The following TSGA10 variants were observed in gnomAD, a reference collection of about 807,000 sequenced individuals.
TSGA10 encodes testis-specific gene 10 protein.
A neutral mutation model predicts 96.6 loss-of-function variants in TSGA10; 43 were observed. The observed-to-expected ratio is 0.44, with a 90% CI of 0.35 to 0.57. TSGA10 has a LOEUF of 0.57. TSGA10 is among the 20% of genes least tolerant of loss of function. The pLI, the probability that TSGA10 is intolerant of heterozygous loss-of-function variation, is 0.01. For synonymous variants in TSGA10, 229 were observed against 269.9 expected (o/e 0.85, Z 1.48); for missense variants, 703 against 834.4 (o/e 0.84, Z 1.94).
chr2:99,086,098 ATTC>A (rs1274008432), intron 10 of TSGA10, among the ~76,000 whole-genome samples: 2 of 152,228 alleles, frequency 1.3e-5, no homozygotes, highest in African/African-American at 2.4e-5. Context: ...GTGATGAAAT[ATTC>A]TGTACAACAA....
At chr2:99,102,612 A>G in intron 10 of TSGA10, 1 of 1,614,120 alleles carries the variant, frequency 6.2e-7, no homozygotes, top group Non-Finnish European at 8.5e-7. Flanking sequence ...TCAGTTTATT[A>G]CAACTACTTT....
rs180894576 is a variant in TSGA10, at chr2:99,118,608, A to T, written c.-413T>A. On this transcript the variant is annotated 5_prime_UTR_variant, in exon 3 of 21. Coordinates refer to ENST00000393483, the MANE Select transcript of TSGA10 (RefSeq NM_025244.4). ...TTTGCTGCCTAATGTGGAGGAACAC[A>T]GCTTTCCTTCCCAGCCCACTATCAA... is the stretch of plus-strand genomic sequence containing the variant. 1.0e-6 allele frequency: 1 copy of T among 984,386 alleles called. No homozygotes were observed. The highest frequency in any genetic ancestry group is 1.7e-5 in the African/African-American group (1 of 57,332). The allele number at this position is 984,386 out of a possible 1,614,324, so 61.0% of individuals were successfully genotyped here. A position where few individuals can be genotyped will look rare whatever the true frequency, so the allele number is the denominator to read the frequency against.
chr2:99,059,498 G>A (rs1001157810), intron 16 of TSGA10, among the ~76,000 whole-genome samples: 1 of 151,844 alleles, frequency 6.6e-6, no homozygotes, highest in African/African-American at 2.4e-5. Context: ...AATTAGCCAG[G>A]CATAGTGGCA....
intron 16 of TSGA10, among the ~76,000 whole-genome samples, chr2:99,063,062 A>C (rs1313769683): frequency 6.6e-6 from 1 of 152,220 alleles, no homozygotes; most frequent in Non-Finnish European, 1.5e-5. Flanking sequence ...CAAGGGGATA[A>C]ATTGACCAAT....
At chr2:99,142,505 T>A (rs888702387) in intron 1 of TSGA10, 1 of 152,200 alleles carries the variant, frequency 6.6e-6, no homozygotes, top group African/African-American at 2.4e-5. Context: ...AAATGCCATG[T>A]TTTTCCAATG....
At chr2:99,132,464 A>C (rs946294539) in intron 1 of TSGA10, among the ~76,000 whole-genome samples, 1 of 151,970 alleles carries the variant, frequency 6.6e-6, no homozygotes, top group South Asian at 2.1e-4. Context: ...CTGTGGGATC[A>C]GTGGTAATAT....
At chr2:99,111,027 T>C in intron 4 of TSGA10, 112 bp from the exon 5 acceptor site, 1 of 189,124 alleles carries the variant, frequency 5.3e-6, no homozygotes, top group Non-Finnish European at 9.8e-6. Flanking sequence ...ATGAAGGCAG[T>C]GAATATTTTA....
intron 1 of TSGA10, among the ~76,000 whole-genome samples, chr2:99,133,416 T>C (rs975483926): frequency 6.6e-6 from 1 of 152,202 alleles, no homozygotes; most frequent in African/African-American, 2.4e-5. Context: ...ACCCCTGCTT[T>C]TTTTTGCTTT....
intron 17 of TSGA10, 80 bp downstream of exon 17, chr2:99,035,149 TA>T: frequency 1.9e-6 from 2 of 1,029,356 alleles, no homozygotes; most frequent in Non-Finnish European, 2.8e-6. Flanking sequence ...TAATATTACA[TA>T]AAAAAGAACT....
At chr2:99,141,058 C>T in intron 1 of TSGA10, 3 of 1,272,574 alleles carry the variant, frequency 2.4e-6, no homozygotes, top group Non-Finnish European at 3.1e-6. Flanking sequence ...ACTCTCCCCA[C>T]CCCGCGCACC....
At chr2:99,017,955 C>A (rs1050668006) in intron 20 of TSGA10, among the ~76,000 whole-genome samples, 10 of 151,538 alleles carry the variant, frequency 6.6e-5, no homozygotes, top group Non-Finnish European at 2.9e-5. Flanking sequence ...TCCCCCAAAA[C>A]CATGGAAATA....
rs776470456 is a variant in TSGA10 at position 99,105,431 on chromosome 2, A to G, written c.387T>C (p.Ala129=). Residue 129 remains alanine (A), a synonymous_variant, in exon 9 of 21, where the codon GCT becomes GCC. Transcript: ENST00000393483. ...RDSLRERLKI[A]QETAFNEKAH... ...CCTTCTCATTAAATGCTGTCTCTTG[A>G]GCAATCTGATTAAAAAGCAAAAACA... 2 of 1,612,894 alleles carry G rather than the reference A, an allele frequency of 1.2e-6. No homozygotes were observed. Among genetic ancestry groups the G allele is most frequent in the Non-Finnish European group, 1.7e-6 (2 of 1,179,892 alleles).
At chr2:99,140,268 C>A (rs2093483408) in intron 1 of TSGA10, among the ~76,000 whole-genome samples, 1 of 152,112 alleles carries the variant, frequency 6.6e-6, no homozygotes, top group African/African-American at 2.4e-5. Flanking sequence ...GATTCGAATG[C>A]GACATCCTAC....
intron 20 of TSGA10, among the ~76,000 whole-genome samples, chr2:99,010,616 C>G (rs2078923178): frequency 6.6e-6 from 1 of 152,212 alleles, no homozygotes; most frequent in Admixed American, 6.5e-5. Context: ...CCAGGGAAGC[C>G]AGCAATGGCT....
chr2:99,145,875 C>T (rs780312376), intron 1 of TSGA10, among the ~76,000 whole-genome samples: 5 of 152,176 alleles, frequency 3.3e-5, no homozygotes, highest in East Asian at 1.9e-4. Flanking sequence ...TGGTGGCTTA[C>T]GCCAGTAATC....
At chr2:99,115,030 T>C (rs2092139191) in intron 4 of TSGA10, among the ~76,000 whole-genome samples, 1 of 152,204 alleles carries the variant, frequency 6.6e-6, no homozygotes, top group African/African-American at 2.4e-5. Flanking sequence ...TCTCTCAGGC[T>C]CAAGCTATTC....
At chr2:99,102,763 C>G in intron 10 of TSGA10, 1 of 1,591,544 alleles carries the variant, frequency 6.3e-7, no homozygotes, top group South Asian at 1.1e-5. Context: ...TTGGAAAATA[C>G]TACTTACTGG....
At chr2:99,040,763 A>G (rs1296355263) in intron 16 of TSGA10, among the ~76,000 whole-genome samples, 1 of 152,180 alleles carries the variant, frequency 6.6e-6, no homozygotes, top group Non-Finnish European at 1.5e-5. Flanking sequence ...ACCAGAAAAA[A>G]AAAAACCTAA....
chr2:99,153,682 TCCTAGTG>T (rs751621026), intron 1 of TSGA10, among the ~76,000 whole-genome samples: 4 of 152,292 alleles, frequency 2.6e-5, no homozygotes, highest in Middle Eastern at 3.4e-3. Flanking sequence ...CTAGGAAAAT[TCCTAGTG>T]CAGTTAACTC....
Sources: gnomAD v4.1 joint callset for allele counts (sites outside exome capture counted in the v4.1 genomes callset) on GRCh38, gnomAD v4.1.1 for gene constraint, MANE v1.5 for transcripts, NCBI Gene and HGNC (gene_info 2026-07-23, HGNC 2026-07-21) for gene names.